Variants in VWDE observed in about 807,000 individuals in gnomAD.
VWDE encodes the protein von Willebrand factor D and EGF domains.
A neutral mutation model predicts 178.4 loss-of-function variants in VWDE; 207 were observed. The ratio of observed to expected loss-of-function variants is 1.16; its 90% CI spans 1.04 to 1.30. The LOEUF is 1.30. Among genes scored for constraint, VWDE ranks in the 50% most tolerant of loss-of-function variants. The pLI is 0.00. For missense variants in VWDE, 2,287 were observed against 1,901.3 expected (o/e 1.20, Z -3.77); for synonymous variants, 738 against 651.4 (o/e 1.13, Z -2.02).
In VWDE at chr7:12,401,756, G is replaced by A. The variant is rs1042586758; in HGVS notation, c.58+1903C>T. 2.0e-5 allele frequency among the ~76,000 whole-genome samples: 3 copies of A among 152,210 alleles called. No individual in the cohort carries two copies. The South Asian group carries it at 6.2e-4, about 32-fold the overall frequency. ...GCTGTTCCTTAAGTAGTTAATCACA[G>A]AGTTACCCTATGACCCGGTATTTCC... On this transcript the variant is annotated intron_variant, in intron 1 of 28. Coordinates refer to ENST00000275358, the MANE Select transcript of VWDE (RefSeq NM_001135924.3).
At chr7:12,392,122 GAGA>G (rs1477374265) in intron 2 of VWDE, among the ~76,000 whole-genome samples, 1 of 152,162 alleles carries the variant, frequency 6.6e-6, no homozygotes, top group Non-Finnish European at 1.5e-5. Context: ...TGTGATAAGG[GAGA>G]AGATCAGGTA....
chr7:12,356,279 T>C lies in VWDE; in HGVS notation c.3577A>G (p.Arg1193Gly), dbSNP rs1028677051. The C allele has an allele frequency of 5.8e-6, 9 of 1,551,646 alleles. No homozygotes were observed. Among genetic ancestry groups the C allele is most frequent in the African/African-American group, 2.7e-5 (2 of 73,154 alleles). Residue 1193 changes from arginine to glycine, a missense_variant, in exon 18 of 29, where the codon AGG becomes GGG. By Grantham distance (125) the Arg-to-Gly change is moderately radical. Transcript: ENST00000275358. ...CLNGGSCVSD[R>G]NFSPGSGVYL... ...ACTCCACTCCCTGGAGAAAAGTTCC[T>C]ATCAGATACACATGATCCACCATTC... is the stretch of plus-strand genomic sequence containing the variant.
intron 18 of VWDE, among the ~76,000 whole-genome samples, chr7:12,355,495 A>G (rs75287372): frequency 0.017 from 2,565 of 152,100 alleles, 65 homozygotes; most frequent in African/African-American, 0.059. Context: ...TAAAATGGGT[A>G]TCTTCAAGAA....
In VWDE at chr7:12,361,227, T is replaced by A; in HGVS notation, c.3079A>T (p.Ser1027Cys). 1 of 1,548,484 alleles carries A rather than the reference T, an allele frequency of 6.5e-7. No homozygotes were observed. The highest frequency in any genetic ancestry group is 2.5e-5 in the East Asian group (1 of 40,798). Residue 1027 changes from serine to cysteine, a missense_variant, in exon 15 of 29, where the codon AGT becomes TGT. Ser to Cys is a moderately radical substitution (Grantham distance 112, BLOSUM62 -1). Coordinates refer to ENST00000275358, the MANE Select transcript of VWDE (RefSeq NM_001135924.3). Reference protein sequence around the residue: ...LKVSNDGYKFSNPKITVIYDG... With the variant: ...LKVSNDGYKFCNPKITVIYDG... ...TATATGACCGTTATTTTGGGATTAC[T>A]GAATTTATAACCATCATTAGATACC...
At chr7:12,381,777 C>G (rs1783865100) in intron 4 of VWDE, among the ~76,000 whole-genome samples, 1 of 151,258 alleles carries the variant, frequency 6.6e-6, no homozygotes, top group Non-Finnish European at 1.5e-5. Flanking sequence ...AAAATTTATC[C>G]TTAAATAAAC....
intron 23 of VWDE, among the ~76,000 whole-genome samples, chr7:12,340,711 C>G (rs1781282031): frequency 6.6e-6 from 1 of 152,136 alleles, no homozygotes; most frequent in African/African-American, 2.4e-5. Context: ...CCTGCTCTAT[C>G]AAGAATGTAG....
intron 19 of VWDE, among the ~76,000 whole-genome samples, chr7:12,345,636 T>A (rs1781561430): frequency 6.6e-6 from 1 of 152,132 alleles, no homozygotes; most frequent in Admixed American, 6.6e-5. Context: ...CCCTCCTGTC[T>A]CTGTTTGGAT....
At position 12,369,894 on chromosome 7, in the gene VWDE, A is replaced by T; in HGVS notation, c.2412T>A (p.Tyr804Ter). The change falls in exon 12 of 29, where the codon TAT (tyrosine) becomes TAA (stop). Residue 804 changes from tyrosine to a stop codon, truncating the protein, a stop_gained. Transcript: ENST00000275358. LOFTEE classifies it high-confidence loss of function. The stretch of plus-strand genomic sequence containing the variant: ...TCTCCTGACAGAGGGTCAAGGTGCT[A>T]TACTCGGTGAGGCCAGAGGGAGTGG... ...SWPTPSGLTE[Y>*]STLTLCQETL... 6.4e-7 allele frequency: 1 copy of T among 1,551,516 alleles called. No individual in the cohort carries two copies. Among genetic ancestry groups the T allele is most frequent in the Non-Finnish European group, 8.7e-7 (1 of 1,146,894 alleles).
In VWDE at chr7:12,403,745, G is replaced by T; in HGVS notation, c.-29C>A. Reference sequence around the variant, plus strand: ...TGCTTCCGCAGGTGGGGCGAAAGGCGTCGCAGAGCCCGGGCCGCGGGTGCC... The same window carrying T: ...TGCTTCCGCAGGTGGGGCGAAAGGCTTCGCAGAGCCCGGGCCGCGGGTGCC... On this transcript the variant is annotated 5_prime_UTR_variant, in exon 1 of 29. Transcript: ENST00000275358. 6.5e-7 allele frequency: 1 copy of T among 1,549,466 alleles called. No individual in the cohort carries two copies.
chr7:12,361,618 T>C, intron 13 of VWDE, 97 bp from the exon 14 acceptor site: 1 of 1,156,672 alleles, frequency 8.6e-7, no homozygotes, highest in East Asian at 2.7e-5. Flanking sequence ...TTAAAATATA[T>C]GCCTAGTATA....
intron 4 of VWDE, among the ~76,000 whole-genome samples, chr7:12,382,361 ATT>A (rs1783893803): frequency 6.6e-6 from 1 of 151,806 alleles, no homozygotes; most frequent in South Asian, 2.1e-4. Flanking sequence ...TATTATGAAT[ATT>A]GTTTTATTAC....
intron 19 of VWDE, among the ~76,000 whole-genome samples, chr7:12,350,628 G>C (rs1168761624): frequency 6.6e-6 from 1 of 152,070 alleles, no homozygotes; most frequent in African/African-American, 2.4e-5. Flanking sequence ...ACTACAATGA[G>C]AGCGTAAGTT....
At chr7:12,365,136 G>A (rs189660986) in intron 13 of VWDE, among the ~76,000 whole-genome samples, 5 of 152,108 alleles carry the variant, frequency 3.3e-5, no homozygotes, top group Admixed American at 2.0e-4. Context: ...GTCACAATAC[G>A]AAAGAGACTG....
intron 4 of VWDE, 51 bp from the exon 5 acceptor site, chr7:12,380,784 T>C: frequency 1.3e-6 from 2 of 1,533,600 alleles, no homozygotes; most frequent in Non-Finnish European, 1.8e-6. Flanking sequence ...CAATGGAGAC[T>C]GGCTTATGGA....
At chr7:12,402,270 C>T (rs968099325) in intron 1 of VWDE, among the ~76,000 whole-genome samples, 1 of 152,138 alleles carries the variant, frequency 6.6e-6, no homozygotes, top group African/African-American at 2.4e-5. Flanking sequence ...TCTGAATATA[C>T]ACATATCTGT....
At chr7:12,390,691 A>G (rs970622731) in intron 2 of VWDE, among the ~76,000 whole-genome samples, 2 of 151,930 alleles carry the variant, frequency 1.3e-5, no homozygotes, top group African/African-American at 4.8e-5. Context: ...AAGACTACAA[A>G]TGGGCAAAAT....
At chr7:12,391,851 T>C (rs996100751) in intron 2 of VWDE, among the ~76,000 whole-genome samples, 3 of 152,198 alleles carry the variant, frequency 2.0e-5, no homozygotes, top group African/African-American at 7.2e-5. Context: ...TAATCTTATA[T>C]GATGTGATCT....
chr7:12,348,722 C>G (rs1781753824), intron 19 of VWDE, among the ~76,000 whole-genome samples: 1 of 150,332 alleles, frequency 6.7e-6, no homozygotes, highest in African/African-American at 2.5e-5. Flanking sequence ...CATCCCATTA[C>G]TGGGTATATA....
chr7:12,361,065 A>G (rs1782547686), intron 15 of VWDE, 82 bp downstream of exon 15: 1 of 860,324 alleles, frequency 1.2e-6, no homozygotes. Context: ...AAAAGTGAAA[A>G]AACTACAATT....
Sources: allele counts gnomAD v4.1 joint callset (sites outside exome capture counted in the v4.1 genomes callset), GRCh38; gene constraint gnomAD v4.1.1; transcripts MANE v1.5; gene names NCBI Gene and HGNC (gene_info 2026-07-23, HGNC 2026-07-21).